RPS6KC1: variants seen among roughly 807,000 people sequenced by gnomAD.
RPS6KC1 encodes the protein inactive ribosomal protein S6 kinase delta-1.
In RPS6KC1, 54 loss-of-function variants were observed where a neutral mutation model predicts 103.8. The ratio of observed to expected loss-of-function variants is 0.52; its 90% CI spans 0.42 to 0.65. The LOEUF (loss-of-function observed/expected upper bound fraction) is 0.65. Ranked by LOEUF, RPS6KC1 falls within the 30% of genes least tolerant of loss-of-function variation. The probability of loss-of-function intolerance (pLI) is 0.00; values close to 1 mark genes in which losing one functional copy is unlikely to be tolerated. For synonymous variants in RPS6KC1, 439 were observed against 438.7 expected (o/e 1.00, Z -0.01); for missense variants, 1,151 against 1,253.8 (o/e 0.92, Z 1.24).
At chr1:213,479,759 ATT>A in the RPS6KC1 span, among the ~76,000 whole-genome samples, 7 of 152,096 alleles carry the variant, frequency 4.6e-5, no homozygotes, top group African/African-American at 1.7e-4. Flanking sequence ...CATTATAGAA[ATT>A]TGTTTCTTTA....
chr1:213,496,976 C>T, the RPS6KC1 span, among the ~76,000 whole-genome samples: 2 of 152,150 alleles, frequency 1.3e-5, no homozygotes, highest in Non-Finnish European at 2.9e-5. Flanking sequence ...TATCAGCAAA[C>T]CACTTGTTAC....
At chr1:213,082,147 A>G (rs1357114167) in intron 3 of RPS6KC1, among the ~76,000 whole-genome samples, 3 of 152,022 alleles carry the variant, frequency 2.0e-5, no homozygotes, top group Non-Finnish European at 4.4e-5. Context: ...TGGGCCCGGC[A>G]CGGTGGCTCA....
At chr1:213,275,959 T>C (rs2095111708), downstream of RPS6KC1, among the ~76,000 whole-genome samples, 1 of 152,230 alleles carries the variant, frequency 6.6e-6, no homozygotes, top group Non-Finnish European at 1.5e-5. Flanking sequence ...TATTTAGACC[T>C]GTCTTTTAAA....
At chr1:213,698,792 T>C in the RPS6KC1 span, among the ~76,000 whole-genome samples, 1 of 152,126 alleles carries the variant, frequency 6.6e-6, no homozygotes, top group Non-Finnish European at 1.5e-5. Context: ...GTATTTCTTA[T>C]GTATGTACCC....
chr1:213,074,746 A>G (rs545494021), intron 2 of RPS6KC1, among the ~76,000 whole-genome samples: 13 of 151,686 alleles, frequency 8.6e-5, no homozygotes, highest in African/African-American at 3.1e-4. Flanking sequence ...CTACTGGTTC[A>G]TATACCATGG....
intron 2 of RPS6KC1, among the ~76,000 whole-genome samples, chr1:213,076,036 T>C (rs2079306719): frequency 6.6e-6 from 1 of 152,250 alleles, no homozygotes; most frequent in South Asian, 2.1e-4. Flanking sequence ...TGGCTTATTC[T>C]TCCTAACTAG....
At chr1:213,352,849 A>G in the RPS6KC1 span, among the ~76,000 whole-genome samples, 1 of 152,192 alleles carries the variant, frequency 6.6e-6, no homozygotes, top group Non-Finnish European at 1.5e-5. Context: ...TAAGATCAAC[A>G]CCTATGGCAT....
chr1:213,840,373 A>C, the RPS6KC1 span: 5 of 152,188 alleles, frequency 3.3e-5, no homozygotes, highest in African/African-American at 4.8e-5. Context: ...ATGAGTGCTC[A>C]TTCAACACGT....
chr1:213,369,512 A>C, the RPS6KC1 span, among the ~76,000 whole-genome samples: 3 of 152,218 alleles, frequency 2.0e-5, no homozygotes, highest in Non-Finnish European at 4.4e-5. Context: ...TCGCAATTCC[A>C]CTAAAGGCTG....
chr1:213,444,182 A>T, the RPS6KC1 span, among the ~76,000 whole-genome samples: 1 of 152,130 alleles, frequency 6.6e-6, no homozygotes, highest in Non-Finnish European at 1.5e-5. Context: ...CTCTCTGTGC[A>T]TGTCTGTTGG....
At chr1:213,638,378 T>G in the RPS6KC1 span, among the ~76,000 whole-genome samples, 10,112 of 152,172 alleles carry the variant, frequency 0.066, 383 homozygotes, top group South Asian at 0.14. Flanking sequence ...CTCTAATCTT[T>G]CAGTTTTTCT....
At chr1:213,542,820 A>T in the RPS6KC1 span, among the ~76,000 whole-genome samples, 1 of 152,232 alleles carries the variant, frequency 6.6e-6, no homozygotes, top group Admixed American at 6.5e-5. Context: ...GTAATACATG[A>T]TTATGTGCCA....
At chr1:213,194,331 C>T (rs1426425616) in intron 8 of RPS6KC1, among the ~76,000 whole-genome samples, 1 of 152,140 alleles carries the variant, frequency 6.6e-6, no homozygotes, top group Non-Finnish European at 1.5e-5. Flanking sequence ...TAGTTTAGGA[C>T]GTACTTCTGC....
At chr1:213,439,203 G>A in the RPS6KC1 span, among the ~76,000 whole-genome samples, 5 of 152,292 alleles carry the variant, frequency 3.3e-5, no homozygotes, top group South Asian at 8.3e-4. Context: ...GCCCCATGAT[G>A]TGAATTGGCA....
chr1:213,515,347 G>GT, the RPS6KC1 span, among the ~76,000 whole-genome samples: 1 of 152,182 alleles, frequency 6.6e-6, no homozygotes, highest in Non-Finnish European at 1.5e-5. Flanking sequence ...TTCTTCTAGG[G>GT]TTTTTACGTT....
At chr1:213,708,987 A>T in the RPS6KC1 span, among the ~76,000 whole-genome samples, 4 of 152,168 alleles carry the variant, frequency 2.6e-5, no homozygotes, top group Admixed American at 6.5e-5. Flanking sequence ...ATCAATATTC[A>T]TCAGGGATAT....
At chr1:213,097,684 A>G (rs904397795) in intron 3 of RPS6KC1, among the ~76,000 whole-genome samples, 3 of 152,226 alleles carry the variant, frequency 2.0e-5, no homozygotes, top group African/African-American at 7.2e-5. Flanking sequence ...AGGCTGTTTT[A>G]TCTCCATTAA....
chr1:213,422,350 A>G, the RPS6KC1 span, among the ~76,000 whole-genome samples: 1 of 152,198 alleles, frequency 6.6e-6, no homozygotes, highest in African/African-American at 2.4e-5. Flanking sequence ...TTTAAGACTG[A>G]ATATTCTATT....
the RPS6KC1 span, among the ~76,000 whole-genome samples, chr1:213,482,587 T>G: frequency 7.2e-6 from 1 of 139,092 alleles, no homozygotes; most frequent in Non-Finnish European, 1.5e-5. Context: ...TCTTGCTCTG[T>G]TGCCAGGCTG....
Sources: allele counts gnomAD v4.1 joint callset (sites outside exome capture counted in the v4.1 genomes callset), GRCh38; gene constraint gnomAD v4.1.1; transcripts MANE v1.5; gene names NCBI Gene and HGNC (gene_info 2026-07-23, HGNC 2026-07-21).